Variants in COPS9 observed in about 807,000 individuals in gnomAD.
The protein encoded by COPS9 is COP9 signalosome complex subunit 9.
A neutral mutation model predicts 7.2 loss-of-function variants in COPS9; 8 were observed. That is an observed-to-expected ratio of 1.11 (90% CI 0.65 to 2.00). The LOEUF (loss-of-function observed/expected upper bound fraction) is 2.00, where lower values mean the gene tolerates loss of function less well. Among genes scored for constraint, COPS9 ranks in the 30% most tolerant of loss-of-function variants. The pLI, the probability that COPS9 is intolerant of heterozygous loss-of-function variation, is 0.00. For missense variants in COPS9, 74 were observed against 77.7 expected, an observed-to-expected ratio of 0.95 and a Z score of 0.18; for synonymous variants, 39 against 28.7, an observed-to-expected ratio of 1.36 and a Z score of -1.14.
chr2:240,136,267 G>C lies in COPS9; in HGVS notation c.18C>G (p.Asp6Glu). MKPAV[D>E]EMFPEGAGPY... Reference sequence around the variant, plus strand: ...GCCCGGCGCCCTCGGGGAACATCTCGTCCACCGCCGGCTTCATCTCGGGGC... The same window carrying C: ...GCCCGGCGCCCTCGGGGAACATCTCCTCCACCGCCGGCTTCATCTCGGGGC... The change falls in exon 1 of 3, where the codon GAC becomes GAG. Residue 6 changes from aspartate (D) to glutamate (E), a missense_variant. By Grantham distance (45) the Asp-to-Glu change is conservative. Coordinates refer to ENST00000607357, the MANE Select transcript of COPS9 (RefSeq NM_001163424.2). The C allele has an allele frequency of 6.4e-7, 1 of 1,569,932 alleles. No individual in the cohort carries two copies. Among genetic ancestry groups the C allele is most frequent in the Non-Finnish European group, 8.6e-7 (1 of 1,161,834 alleles).
At chr2:240,136,044 T>C (rs1208479382) in intron 1 of COPS9, 178 bp downstream of exon 1, 3 of 1,077,892 alleles carry the variant, frequency 2.8e-6, no homozygotes, top group Non-Finnish European at 3.7e-6. Flanking sequence ...GTCGCCGCCT[T>C]TCACCAGGTG....
Position 240,132,749 on chromosome 2 carries a change from C to T in COPS9, c.136+1184G>A, listed in dbSNP as rs542013645. Reference sequence around the variant, plus strand: ...ATTAGCAACTGCCCAATCCTGCCCACGTGAAAAGCTTCAAAGTCGCCCTGG... The same window carrying T: ...ATTAGCAACTGCCCAATCCTGCCCATGTGAAAAGCTTCAAAGTCGCCCTGG... On this transcript the variant is annotated intron_variant, in intron 2 of 2. Coordinates refer to ENST00000607357, the MANE Select transcript of COPS9 (RefSeq NM_001163424.2). The surrounding 1 kb of genome is among the most constrained non-coding windows in gnomAD (Gnocchi z 4.1). 2.6e-4 allele frequency among the ~76,000 whole-genome samples: 40 copies of T among 152,314 alleles called. No homozygotes were observed. Among genetic ancestry groups the T allele is most frequent in the African/African-American group, 8.4e-4 (35 of 41,568 alleles).
intron 2 of COPS9, 40 bp downstream of exon 2, chr2:240,133,893 A>G (rs1207946819): frequency 6.2e-7 from 1 of 1,600,356 alleles, no homozygotes; most frequent in Non-Finnish European, 8.6e-7. Context: ...GAGAAGAAAT[A>G]TTCAGATTAA....
At chr2:240,134,828 G>A (rs2071958668) in intron 1 of COPS9, among the ~76,000 whole-genome samples, 1 of 152,054 alleles carries the variant, frequency 6.6e-6, no homozygotes, top group African/African-American at 2.4e-5. Flanking sequence ...CTTGAAGCTT[G>A]TCCCTACCTC....
intron 2 of COPS9, 102 bp from the exon 3 acceptor site, chr2:240,131,190 C>A (rs890214146): frequency 7.9e-7 from 1 of 1,272,158 alleles, no homozygotes; most frequent in South Asian, 1.3e-5. Flanking sequence ...CAGAGATAAT[C>A]GTCAATGATC....
rs529276463 is a variant in COPS9, at chr2:240,132,059, G to A, written c.137-971C>T. 9.2e-5 allele frequency among the ~76,000 whole-genome samples: 14 copies of A among 152,290 alleles called. No homozygotes were observed. The South Asian group carries it at 2.5e-3, about 27-fold the overall frequency. ...GGTTCGCCGCTAGGAGCACTTTTGC[G>A]CAGTCCTGGGCCTGGCTGACTCCAC... On this transcript the variant is annotated intron_variant, in intron 2 of 2. Transcript: ENST00000607357. This position sits in a 1 kb window ranked among gnomAD's most constrained non-coding sequence, Gnocchi z 4.1.
intron 1 of COPS9, 55 bp from the exon 2 acceptor site, chr2:240,134,060 A>T (rs1473510462): frequency 3.2e-6 from 5 of 1,551,550 alleles, no homozygotes; most frequent in Non-Finnish European, 4.4e-6. Context: ...AGAACAGGTG[A>T]TAAGTGCATT....
chr2:240,130,993 AG>A lies in COPS9; in HGVS notation c.*57del. ...AAAACCACCTGAAACTGTCCTGCGC[AG>A]GCTCACACTGCGGCTCTGTACCAAG... On this transcript the variant is annotated 3_prime_UTR_variant, in exon 3 of 3. Transcript: ENST00000607357. 1 of 1,600,614 alleles carries A rather than the reference AG, an allele frequency of 6.2e-7. No homozygotes were observed. Among genetic ancestry groups the A allele is most frequent in the Non-Finnish European group, 8.5e-7 (1 of 1,174,692 alleles).
intron 2 of COPS9, 77 bp from the exon 3 acceptor site, chr2:240,131,165 T>C (rs1041738157): frequency 5.5e-6 from 8 of 1,451,656 alleles, no homozygotes; most frequent in African/African-American, 4.2e-5. Flanking sequence ...ATGAATTATA[T>C]AGTAGTCCAA....
downstream of COPS9, among the ~76,000 whole-genome samples, chr2:240,128,299 C>T (rs1462374519): frequency 2.6e-5 from 4 of 152,336 alleles, no homozygotes; most frequent in East Asian, 3.9e-4. Context: ...AGCCAGTGGG[C>T]AGGCAGAAAC....
At chr2:240,133,804 T>C (rs1322435763) in intron 2 of COPS9, 129 bp downstream of exon 2, 1 of 871,244 alleles carries the variant, frequency 1.1e-6, no homozygotes, top group African/African-American at 1.7e-5. Flanking sequence ...TGCACTGCAT[T>C]CTGAGAGGAG....
In COPS9 at chr2:240,132,613, G is replaced by A. The variant is rs1424828274; in HGVS notation, c.136+1320C>T. Among the ~76,000 whole-genome samples the A allele has an allele frequency of 1.3e-5, 2 of 152,242 alleles. No individual in the cohort carries two copies. The highest frequency in any genetic ancestry group is 2.9e-5 in the Non-Finnish European group (2 of 68,044). On this transcript the variant is annotated intron_variant, in intron 2 of 2. Coordinates refer to ENST00000607357, the MANE Select transcript of COPS9 (RefSeq NM_001163424.2). This position sits in a 1 kb window ranked among gnomAD's most constrained non-coding sequence, Gnocchi z 4.1. ...CAGGATTCAAGGGCTGACTCTGGAA[G>A]TCATGTGAACTCAAACACTAGAACA...
At chr2:240,135,104 A>G (rs80277955) in intron 1 of COPS9, among the ~76,000 whole-genome samples, 6,083 of 152,060 alleles carry the variant, frequency 0.04, 348 homozygotes, top group African/African-American at 0.13. Context: ...TGGTTTCACG[A>G]TCTGGGTAGG....
At chr2:240,128,506 C>T (rs925369849), downstream of COPS9, among the ~76,000 whole-genome samples, 3 of 152,142 alleles carry the variant, frequency 2.0e-5, no homozygotes, top group Admixed American at 6.5e-5. Flanking sequence ...AGGCATTCCC[C>T]GCAGAGCTGT....
Position 240,132,155 on chromosome 2 carries a change from G to A in COPS9, c.137-1067C>T, listed in dbSNP as rs1189960603. 6.6e-6 allele frequency among the ~76,000 whole-genome samples: 1 copy of A among 152,130 alleles called. No individual in the cohort carries two copies. Among genetic ancestry groups the A allele is most frequent in the Non-Finnish European group, 1.5e-5 (1 of 68,022 alleles). Reference sequence around the variant, plus strand: ...CTGCAGTGCTCCCAGAAACAATGCCGTCCACGCTTTGCCAGGGCTCTTGTC... The same window carrying A: ...CTGCAGTGCTCCCAGAAACAATGCCATCCACGCTTTGCCAGGGCTCTTGTC... On this transcript the variant is annotated intron_variant, in intron 2 of 2. Transcript: ENST00000607357. This position sits in a 1 kb window ranked among gnomAD's most constrained non-coding sequence, Gnocchi z 4.1.
chr2:240,126,859 G>C (rs1437589638), downstream of COPS9: 1 of 1,614,156 alleles, frequency 6.2e-7, no homozygotes, highest in Non-Finnish European at 8.5e-7. Flanking sequence ...GTAAACATTA[G>C]CGCCTCCGCC....
In COPS9 at chr2:240,130,958, C is replaced by G. The variant is rs558973770; in HGVS notation, c.*93G>C. 15 of 1,535,426 alleles carry G rather than the reference C, an allele frequency of 9.8e-6. No individual in the cohort carries two copies. The highest frequency in any genetic ancestry group is 2.0e-4 in the Middle Eastern group (1 of 5,084). On this transcript the variant is annotated 3_prime_UTR_variant, in exon 3 of 3. Coordinates refer to ENST00000607357, the MANE Select transcript of COPS9 (RefSeq NM_001163424.2). ...AGGTCCTAAATTCAAGGGATTTCCACGTGTTCTTTAAAACCACCTGAAACT... is the reference window on the plus strand; with the variant it reads ...AGGTCCTAAATTCAAGGGATTTCCAGGTGTTCTTTAAAACCACCTGAAACT...
chr2:240,126,551 CCT>C, downstream of COPS9: 1 of 1,607,254 alleles, frequency 6.2e-7, no homozygotes, highest in Non-Finnish European at 8.5e-7. Flanking sequence ...GAAACACACA[CCT>C]CTCTGCATCC....
At chr2:240,130,691 G>A, downstream of COPS9, 2 of 747,828 alleles carry the variant, frequency 2.7e-6, no homozygotes. Flanking sequence ...CTTAACACAA[G>A]GTATCTGCTA....
Sources: gnomAD v4.1 joint callset for allele counts (sites outside exome capture counted in the v4.1 genomes callset) on GRCh38, gnomAD v4.1.1 for gene constraint, Gnocchi (gnomAD v3.1) non-coding constraint, MANE v1.5 for transcripts, NCBI Gene and HGNC (gene_info 2026-07-23, HGNC 2026-07-21) for gene names.